The following CACNA2D3 variants were observed in gnomAD, a reference collection of about 807,000 sequenced individuals.
CACNA2D3 encodes the protein calcium voltage-gated channel auxiliary subunit alpha2delta 3.
CACNA2D3 carries 60 observed loss-of-function variants against 160.6 expected under a neutral mutation model. That is an observed-to-expected ratio of 0.37 (90% confidence interval 0.30 to 0.46). CACNA2D3 has a LOEUF of 0.46. Among genes scored for constraint, CACNA2D3 ranks in the 20% least tolerant of loss-of-function variants. CACNA2D3 has a pLI of 1.00. For missense variants in CACNA2D3, 1,205 were observed against 1,365.0 expected, an observed-to-expected ratio of 0.88 and a Z score of 1.85; for synonymous variants, 558 against 492.9, an observed-to-expected ratio of 1.13 and a Z score of -1.75.
chr3:54,370,836 G>GA (rs60211171), intron 3 of CACNA2D3, among the ~76,000 whole-genome samples: 26,085 of 85,626 alleles, frequency 0.3, 2,718 homozygotes, highest in Middle Eastern at 0.42. Flanking sequence ...CCCGACTCCA[G>GA]AAAAAAAAAA....
chr3:54,277,016 T>C (rs1267458773), intron 2 of CACNA2D3, among the ~76,000 whole-genome samples: 1 of 152,216 alleles, frequency 6.6e-6, no homozygotes, highest in Non-Finnish European at 1.5e-5. Context: ...GGGCCTGTCC[T>C]TTTTCAGATG....
chr3:54,924,507 C>A (rs1410194910), intron 27 of CACNA2D3: 1 of 879,360 alleles, frequency 1.1e-6, no homozygotes, highest in African/African-American at 1.7e-5. Flanking sequence ...GTGTAAAAGC[C>A]CAAATCCACC....
intron 2 of CACNA2D3, among the ~76,000 whole-genome samples, chr3:54,178,838 G>T (rs972906862): frequency 9.9e-5 from 15 of 152,214 alleles, no homozygotes; most frequent in African/African-American, 3.4e-4. Context: ...GGCTACAGAG[G>T]GGCAGAGTCT....
intron 27 of CACNA2D3, among the ~76,000 whole-genome samples, chr3:54,955,066 G>T (rs994098959): frequency 2.0e-5 from 3 of 152,146 alleles, no homozygotes; most frequent in African/African-American, 7.2e-5. Context: ...ACAAAAGACC[G>T]ATTAGTAGGA....
chr3:54,490,309 A>G (rs1284627791), intron 4 of CACNA2D3, among the ~76,000 whole-genome samples: 1 of 127,232 alleles, frequency 7.9e-6, no homozygotes, highest in African/African-American at 3.0e-5. Context: ...GAGACTCAGC[A>G]GTAAGCACCG....
chr3:54,994,335 C>T (rs1016965425), intron 31 of CACNA2D3, among the ~76,000 whole-genome samples: 9 of 152,138 alleles, frequency 5.9e-5, no homozygotes, highest in African/African-American at 1.9e-4. Context: ...CCGACTGCCC[C>T]GCTGATGTCT....
chr3:54,434,541 G>A (rs977489185), intron 4 of CACNA2D3, among the ~76,000 whole-genome samples: 1 of 152,214 alleles, frequency 6.6e-6, no homozygotes, highest in African/African-American at 2.4e-5. Context: ...ACCTCCCCAA[G>A]GACGATATTT....
At chr3:54,796,762 T>C (rs1216954725) in intron 13 of CACNA2D3, among the ~76,000 whole-genome samples, 1 of 152,230 alleles carries the variant, frequency 6.6e-6, no homozygotes, top group African/African-American at 2.4e-5. Flanking sequence ...AGACACAGAC[T>C]TCATGGATAA....
At chr3:55,069,448 A>G (rs1418897801) in intron 35 of CACNA2D3, among the ~76,000 whole-genome samples, 1 of 152,152 alleles carries the variant, frequency 6.6e-6, no homozygotes, top group East Asian at 1.9e-4. Context: ...TTCTTCATTA[A>G]GGCATATGTT....
intron 27 of CACNA2D3, chr3:54,927,978 C>G (rs532855794): frequency 6.6e-7 from 1 of 1,504,500 alleles, no homozygotes; most frequent in East Asian, 2.3e-5. Flanking sequence ...GAGCAACACA[C>G]GAAGGGCATG....
chr3:54,459,238 G>C (rs551149184), intron 4 of CACNA2D3, among the ~76,000 whole-genome samples: 1 of 151,882 alleles, frequency 6.6e-6, no homozygotes, highest in Admixed American at 6.6e-5. Flanking sequence ...ACATATGTGT[G>C]CATGTGTCTT....
chr3:55,071,427 CT>C (rs1332273844), intron 35 of CACNA2D3, among the ~76,000 whole-genome samples: 2 of 152,078 alleles, frequency 1.3e-5, no homozygotes, highest in Non-Finnish European at 2.9e-5. Flanking sequence ...GTTTTAAATA[CT>C]TTTTAATATT....
intron 3 of CACNA2D3, among the ~76,000 whole-genome samples, chr3:54,340,229 T>C (rs952529657): frequency 6.6e-6 from 1 of 152,188 alleles, no homozygotes; most frequent in Non-Finnish European, 1.5e-5. Context: ...TATCCAGACA[T>C]GCAACACAAT....
intron 3 of CACNA2D3, among the ~76,000 whole-genome samples, chr3:54,357,207 C>T (rs372759497): frequency 5.9e-5 from 9 of 152,114 alleles, no homozygotes; most frequent in African/African-American, 1.9e-4. Context: ...ATGGGAGGGA[C>T]TTAATGCATA....
At position 54,410,731 on chromosome 3, in the gene CACNA2D3, T is replaced by C. The variant is rs182814807; in HGVS notation, c.381+23957T>C. Among the ~76,000 whole-genome samples the C allele has an allele frequency of 8.7e-4, 133 of 152,342 alleles. 3 individuals carry two copies. In the East Asian group the frequency reaches 0.018, roughly 21 times the overall value. On this transcript the variant is annotated intron_variant, in intron 4 of 37. Coordinates refer to ENST00000474759, the MANE Select transcript of CACNA2D3 (RefSeq NM_018398.3). Reference sequence around the variant, plus strand: ...TACAAAGAGATTAATGTTGTTTTCATGCCTGCTAACGCAACATCCGTTCTA... The same window carrying C: ...TACAAAGAGATTAATGTTGTTTTCACGCCTGCTAACGCAACATCCGTTCTA...
At chr3:54,924,646 G>A in intron 27 of CACNA2D3, 6 of 1,614,092 alleles carry the variant, frequency 3.7e-6, no homozygotes, top group Non-Finnish European at 5.1e-6. Flanking sequence ...TCCAGCCAGA[G>A]TTTAAGACCG....
intron 30 of CACNA2D3, among the ~76,000 whole-genome samples, chr3:54,986,995 A>G (rs1702628891): frequency 6.6e-6 from 1 of 152,220 alleles, no homozygotes; most frequent in African/African-American, 2.4e-5. Flanking sequence ...AAGTAGACTT[A>G]CAAAAACATC....
intron 2 of CACNA2D3, among the ~76,000 whole-genome samples, chr3:54,135,329 C>T (rs1029416314): frequency 6.6e-6 from 1 of 152,216 alleles, no homozygotes; most frequent in Non-Finnish European, 1.5e-5. Context: ...CTGCACCCTG[C>T]ATGGGGCCTG....
At chr3:54,183,042 C>G (rs370064591) in intron 2 of CACNA2D3, among the ~76,000 whole-genome samples, 26 of 152,004 alleles carry the variant, frequency 1.7e-4, no homozygotes, top group African/African-American at 5.8e-4. Flanking sequence ...AGAGACAAAG[C>G]TTTACTGTAT....
Sources: gnomAD v4.1 joint callset for allele counts (sites outside exome capture counted in the v4.1 genomes callset) on GRCh38, gnomAD v4.1.1 for gene constraint, MANE v1.5 for transcripts, NCBI Gene and HGNC (gene_info 2026-07-23, HGNC 2026-07-21) for gene names.